Variants in FGF9 observed in about 807,000 individuals in gnomAD.
The protein encoded by FGF9 is fibroblast growth factor 9 (glia-activating factor).
FGF9 carries 3 observed loss-of-function variants against 19.9 expected under a neutral mutation model. The observed-to-expected ratio is 0.15, with a 90% CI of 0.07 to 0.39. The LOEUF (loss-of-function observed/expected upper bound fraction) is 0.39, where lower values mean the gene tolerates loss of function less well. FGF9 is among the 10% of genes least tolerant of loss of function. The pLI is 1.00. For missense variants in FGF9, 175 were observed against 256.8 expected (o/e 0.68, Z 2.18); for synonymous variants, 107 against 106.9 (o/e 1.00, Z -0.01).
intron 1 of FGF9, chr13:21,673,933 C>T (rs1871837296): frequency 6.6e-6 from 1 of 152,168 alleles, no homozygotes; most frequent in African/African-American, 2.4e-5. Flanking sequence ...CGTTCCGGCT[C>T]CCTTTCCGCC....
Position 21,671,990 on chromosome 13 carries a change from G to A in FGF9, c.78G>A (p.Pro26=), listed in dbSNP as rs1299425749. ...CGTTTGGGAATGTGCCCGTGTTGCC[G>A]GTGGACAGCCCGGTTTTGTTAAGTG... ...AVPFGNVPVL[P]VDSPVLLSDH... Residue 26 remains proline (P), a synonymous_variant, in exon 1 of 3, where the codon CCG becomes CCA. Transcript: ENST00000382353. 4 of 1,614,074 alleles carry A rather than the reference G, an allele frequency of 2.5e-6. No individual in the cohort carries two copies. The highest frequency in any genetic ancestry group is 1.3e-5 in the African/African-American group (1 of 74,912).
At position 21,702,773 on chromosome 13, in the gene FGF9, AT is replaced by A. The variant is rs1326297196; in HGVS notation, c.*1339del. The A allele has an allele frequency of 6.6e-6, 1 of 152,250 alleles. No individual in the cohort carries two copies. The highest frequency in any genetic ancestry group is 1.5e-5 in the Non-Finnish European group (1 of 68,044). The allele number at this position is 152,250 out of a possible 1,614,324, so 9.4% of individuals were successfully genotyped here. ...AAAATGGCTATCAGTGTGAACTGTC[AT>A]AATTACGTGGTAATAGCACCCTTAG... On this transcript the variant is annotated 3_prime_UTR_variant, in exon 3 of 3. Coordinates refer to ENST00000382353, the MANE Select transcript of FGF9 (RefSeq NM_002010.3).
chr13:21,681,282 A>G (rs996963794), intron 2 of FGF9, 137 bp downstream of exon 2: 1 of 675,530 alleles, frequency 1.5e-6, no homozygotes, highest in Non-Finnish European at 2.6e-6. Flanking sequence ...TTTTTGAGGA[A>G]AGCCATTTTA....
intron 1 of FGF9, among the ~76,000 whole-genome samples, chr13:21,677,892 A>G (rs1403418989): frequency 6.6e-6 from 1 of 152,096 alleles, no homozygotes; most frequent in African/African-American, 2.4e-5. Context: ...TATCTCAGGT[A>G]TTTATTTTCT....
In FGF9 at chr13:21,671,374, GA is replaced by G. The variant is rs1463618759; in HGVS notation, c.-538del. 2 of 395,760 alleles carry G rather than the reference GA, an allele frequency of 5.1e-6. No individual in the cohort carries two copies. Among genetic ancestry groups the G allele is most frequent in the Non-Finnish European group, 8.9e-6 (2 of 224,990 alleles). The allele number at this position is 395,760 out of a possible 1,614,324, so 24.5% of individuals were successfully genotyped here. ...AGATTTGTCGCCGCCACCAACGTGA[GA>G]TTTTTTTTTCCCCTTGAAGGATTCA... On this transcript the variant is annotated 5_prime_UTR_variant, in exon 1 of 3. Coordinates refer to ENST00000382353, the MANE Select transcript of FGF9 (RefSeq NM_002010.3).
intron 2 of FGF9, among the ~76,000 whole-genome samples, chr13:21,689,405 A>T (rs1872236144): frequency 6.6e-6 from 1 of 152,024 alleles, no homozygotes; most frequent in African/African-American, 2.4e-5. Flanking sequence ...CACCTAATGA[A>T]TGTTGAACGA....
At chr13:21,679,445 A>G (rs577038427) in intron 1 of FGF9, among the ~76,000 whole-genome samples, 59 of 152,272 alleles carry the variant, frequency 3.9e-4, no homozygotes, top group South Asian at 1.5e-3. Flanking sequence ...GTGCTTTTTT[A>G]TTAGTCACAT....
intron 1 of FGF9, among the ~76,000 whole-genome samples, chr13:21,680,186 T>C (rs994714701): frequency 6.6e-6 from 1 of 152,212 alleles, no homozygotes; most frequent in Admixed American, 6.5e-5. Flanking sequence ...CCATGCCTAC[T>C]TTAAATCAAG....
rs565147519 is a variant in FGF9 at position 21,671,850 on chromosome 13, A to G, written c.-63A>G. On this transcript the variant is annotated 5_prime_UTR_variant, in exon 1 of 3. Coordinates refer to ENST00000382353, the MANE Select transcript of FGF9 (RefSeq NM_002010.3). ...AGGGGAGTTGGATATACCTCGCCTAATATCTCCTGGGTTGACACCATCATT... is the reference window on the plus strand; with the variant it reads ...AGGGGAGTTGGATATACCTCGCCTAGTATCTCCTGGGTTGACACCATCATT... 59 of 1,600,924 alleles carry G rather than the reference A, an allele frequency of 3.7e-5. No individual in the cohort carries two copies. The highest frequency in any genetic ancestry group is 7.7e-5 in the South Asian group (7 of 90,578).
intron 2 of FGF9, among the ~76,000 whole-genome samples, chr13:21,686,662 G>A (rs1397898905): frequency 1.3e-5 from 2 of 152,198 alleles, no homozygotes; most frequent in African/African-American, 2.4e-5. Flanking sequence ...TGGAGTCAGA[G>A]TCTTTGGCTT....
chr13:21,678,241 T>A (rs749949574), intron 1 of FGF9, among the ~76,000 whole-genome samples: 6 of 152,246 alleles, frequency 3.9e-5, no homozygotes, highest in Non-Finnish European at 8.8e-5. Flanking sequence ...ATATCTTCAT[T>A]TCTAAATTAT....
chr13:21,675,681 G>T (rs1871899301), intron 1 of FGF9, among the ~76,000 whole-genome samples: 1 of 152,204 alleles, frequency 6.6e-6, no homozygotes. Flanking sequence ...GTAGGTGGGG[G>T]GTGCGGTGGG....
chr13:21,685,823 T>C (rs532492438), intron 2 of FGF9, among the ~76,000 whole-genome samples: 2 of 152,074 alleles, frequency 1.3e-5, no homozygotes, highest in Non-Finnish European at 2.9e-5. Flanking sequence ...GAGGGATAAA[T>C]AGGAGCCTCA....
At chr13:21,689,112 C>G (rs934952299) in intron 2 of FGF9, among the ~76,000 whole-genome samples, 12 of 152,172 alleles carry the variant, frequency 7.9e-5, no homozygotes, top group Non-Finnish European at 1.5e-4. Context: ...TTCCTAAGAA[C>G]AGGTGCAGCT....
At position 21,681,039 on chromosome 13, in the gene FGF9, C is replaced by T. The variant is rs758979148; in HGVS notation, c.278-3C>T. The stretch of plus-strand genomic sequence containing the variant: ...TCCTCTGCCTTCTACCCTTTGTCTA[C>T]AGGCATTCTGGAATTTATCAGTATA... On this transcript the variant is annotated splice_polypyrimidine_tract_variant and splice_region_variant and intron_variant, in intron 1 of 2. Coordinates refer to ENST00000382353, the MANE Select transcript of FGF9 (RefSeq NM_002010.3). 5.6e-6 allele frequency: 9 copies of T among 1,607,480 alleles called. 1 individual carries two copies. In the South Asian group the frequency reaches 7.7e-5, roughly 14 times the overall value.
At position 21,683,181 on chromosome 13, in the gene FGF9, G is replaced by C. The variant is rs542908745; in HGVS notation, c.381+2036G>C. 1.4e-3 allele frequency among the ~76,000 whole-genome samples: 211 copies of C among 152,314 alleles called. 1 individual carries two copies. Among genetic ancestry groups the C allele is most frequent in the Non-Finnish European group, 2.6e-3 (177 of 68,018 alleles). ...ATGATTCAGACTCCTGTGGTTTATT[G>C]GTTGACAAGGAGAGCATGTCTAATT... On this transcript the variant is annotated intron_variant, in intron 2 of 2. Transcript: ENST00000382353.
chr13:21,681,027 A>T lies in FGF9; in HGVS notation c.278-15A>T. Reference sequence around the variant, plus strand: ...TGATCTGATCTGTCCTCTGCCTTCTACCCTTTGTCTACAGGCATTCTGGAA... The same window carrying T: ...TGATCTGATCTGTCCTCTGCCTTCTTCCCTTTGTCTACAGGCATTCTGGAA... On this transcript the variant is annotated splice_polypyrimidine_tract_variant and intron_variant, in intron 1 of 2. Coordinates refer to ENST00000382353, the MANE Select transcript of FGF9 (RefSeq NM_002010.3). The T allele has an allele frequency of 6.3e-7, 1 of 1,590,398 alleles. No homozygotes were observed. The highest frequency in any genetic ancestry group is 8.6e-7 in the Non-Finnish European group (1 of 1,158,726).
At chr13:21,690,181 A>G (rs1031860405) in intron 2 of FGF9, among the ~76,000 whole-genome samples, 5 of 152,044 alleles carry the variant, frequency 3.3e-5, no homozygotes, top group African/African-American at 1.2e-4. Context: ...ACATTCGCAC[A>G]CTCGCTCACA....
At chr13:21,687,067 G>A (rs558654797) in intron 2 of FGF9, among the ~76,000 whole-genome samples, 1 of 152,308 alleles carries the variant, frequency 6.6e-6, no homozygotes, top group South Asian at 2.1e-4. Context: ...GGACACAACA[G>A]GGCCCTGGTT....
Sources: gnomAD v4.1 joint callset for allele counts (sites outside exome capture counted in the v4.1 genomes callset) on GRCh38, gnomAD v4.1.1 for gene constraint, MANE v1.5 for transcripts, NCBI Gene and HGNC (gene_info 2026-07-23, HGNC 2026-07-21) for gene names.